The following GRM7 variants were observed in gnomAD, a reference collection of about 807,000 sequenced individuals.
The protein encoded by GRM7 is glutamate metabotropic receptor 7, also known as metabotropic glutamate receptor 7.
A neutral mutation model predicts 84.5 loss-of-function variants in GRM7; 35 were observed. The observed-to-expected ratio is 0.41, with a 90% CI of 0.32 to 0.55. The LOEUF is 0.55. Ranked by LOEUF, GRM7 falls within the 20% of genes least tolerant of loss-of-function variation. The pLI, the probability that GRM7 is intolerant of heterozygous loss-of-function variation, is 0.19. For synonymous variants in GRM7, 487 were observed against 455.1 expected (o/e 1.07, Z -0.89); for missense variants, 1,003 against 1,194.6 (o/e 0.84, Z 2.36).
intron 1 of GRM7, among the ~76,000 whole-genome samples, chr3:6,931,706 T>C (rs188320544): frequency 6.6e-6 from 1 of 152,336 alleles, no homozygotes; most frequent in Non-Finnish European, 1.5e-5. Context: ...TATTCCTTGA[T>C]ATGTTTATTT....
intron 5 of GRM7, among the ~76,000 whole-genome samples, chr3:7,443,662 C>G (rs563123030): frequency 6.6e-6 from 1 of 152,200 alleles, no homozygotes; most frequent in Non-Finnish European, 1.5e-5. Context: ...GTCTCTCTCT[C>G]TCTTTCTGTG....
At chr3:7,197,431 T>C (rs1695914685) in intron 2 of GRM7, among the ~76,000 whole-genome samples, 1 of 152,202 alleles carries the variant, frequency 6.6e-6, no homozygotes, top group Admixed American at 6.5e-5. Context: ...ACCTTTATCC[T>C]TCTCTGCTGC....
chr3:7,381,609 T>C (rs1694595285), intron 4 of GRM7, among the ~76,000 whole-genome samples: 2 of 152,170 alleles, frequency 1.3e-5, no homozygotes. Context: ...CGTATTGAAG[T>C]ATGGGATTAG....
intron 8 of GRM7, among the ~76,000 whole-genome samples, chr3:7,653,034 C>T (rs914277683): frequency 2.0e-5 from 3 of 152,024 alleles, no homozygotes; most frequent in Non-Finnish European, 2.9e-5. Context: ...CTAACAATCT[C>T]ACCGCCACAT....
Position 7,680,139 on chromosome 3 carries a change from A to G in GRM7, c.2542A>G (p.Ile848Val). 6.2e-7 allele frequency: 1 copy of G among 1,614,142 alleles called. No individual in the cohort carries two copies. Among genetic ancestry groups the G allele is most frequent in the East Asian group, 2.2e-5 (1 of 44,864 alleles). The change falls in exon 9 of 10, where the codon ATC becomes GTC. Residue 848 changes from isoleucine (I) to valine (V), a missense_variant. By Grantham distance (29) the Ile-to-Val change is conservative. Around this residue, in one of 2 missense-constraint regions of GRM7, gnomAD observed 910 missense variants for 1,126.0 expected, o/e 0.81. Coordinates refer to ENST00000357716, the MANE Select transcript of GRM7 (RefSeq NM_000844.4). ...GMLYMPKVYI[I>V]IFHPELNVQK... ...GCTATACATGCCGAAAGTGTACATC[A>G]TCATTTTCCACCCTGAACTCAATGT...
At chr3:7,373,036 T>C (rs530172061) in intron 4 of GRM7, among the ~76,000 whole-genome samples, 1 of 152,302 alleles carries the variant, frequency 6.6e-6, no homozygotes, top group East Asian at 1.9e-4. Context: ...CTTTTTGAAA[T>C]GTGGAATTAT....
At chr3:7,702,113 G>A (rs1208208267) in intron 9 of GRM7, among the ~76,000 whole-genome samples, 1 of 152,156 alleles carries the variant, frequency 6.6e-6, no homozygotes, top group East Asian at 1.9e-4. Context: ...ACTTCAGAAG[G>A]AAAAATGAAG....
intron 2 of GRM7, among the ~76,000 whole-genome samples, chr3:7,175,820 G>T (rs1053369697): frequency 9.9e-5 from 15 of 152,250 alleles, no homozygotes; most frequent in East Asian, 9.7e-4. Context: ...TTACAGGTGT[G>T]AGCCGCTGCA....
intron 7 of GRM7, among the ~76,000 whole-genome samples, chr3:7,523,588 T>A (rs1325783820): frequency 1.3e-5 from 2 of 152,110 alleles, no homozygotes; most frequent in Admixed American, 6.5e-5. Context: ...ATCATTTAAA[T>A]TTGAGGGAAA....
At chr3:6,941,458 G>C (rs181599384) in intron 1 of GRM7, among the ~76,000 whole-genome samples, 78 of 152,290 alleles carry the variant, frequency 5.1e-4, no homozygotes, top group Non-Finnish European at 8.5e-4. Context: ...GTCAAGTTAG[G>C]TTGGTGCTTT....
intron 8 of GRM7, among the ~76,000 whole-genome samples, chr3:7,672,112 A>G (rs1201171560): frequency 6.6e-6 from 1 of 151,366 alleles, no homozygotes; most frequent in Non-Finnish European, 1.5e-5. Context: ...TTTTTTTTCC[A>G]TTATATACTG....
chr3:7,014,179 A>G (rs1695483078), intron 1 of GRM7, among the ~76,000 whole-genome samples: 1 of 152,194 alleles, frequency 6.6e-6, no homozygotes, highest in African/African-American at 2.4e-5. Flanking sequence ...TAGGGAATAA[A>G]AAACAAAACC....
intron 9 of GRM7, chr3:7,681,849 C>T (rs980655888): frequency 1.3e-5 from 2 of 152,168 alleles, no homozygotes; most frequent in Non-Finnish European, 2.9e-5. Context: ...ATAACTATGT[C>T]ATAAGTGTAT....
At position 7,253,519 on chromosome 3, in the gene GRM7, AG is replaced by A. The variant is rs370274897; in HGVS notation, c.737-45163del. Among the ~76,000 whole-genome samples, 39 of 150,224 alleles carry A rather than the reference AG, an allele frequency of 2.6e-4. No homozygotes were observed. In the East Asian group the frequency reaches 7.7e-3, roughly 30 times the overall value. Reference sequence around the variant, plus strand: ...GTAATCCTAGCTGCTGGGGAGGCTGAGGCAGGAGAATCACTTGAACCCAGGA... The same window carrying A: ...GTAATCCTAGCTGCTGGGGAGGCTGAGCAGGAGAATCACTTGAACCCAGGA... On this transcript the variant is annotated intron_variant, in intron 2 of 9. Transcript: ENST00000357716.
intron 1 of GRM7, among the ~76,000 whole-genome samples, chr3:6,901,636 A>AAT (rs1491324990): frequency 4.9e-4 from 69 of 140,428 alleles, no homozygotes; most frequent in African/African-American, 1.9e-3. Flanking sequence ...AAAAAAAAAA[A>AAT]ATATGTAGAA....
chr3:7,666,324 C>T (rs1699699646), intron 8 of GRM7, among the ~76,000 whole-genome samples: 1 of 152,214 alleles, frequency 6.6e-6, no homozygotes, highest in Admixed American at 6.5e-5. Flanking sequence ...TTTGGATTCC[C>T]CAAGAATGCC....
At chr3:7,056,046 C>A (rs1697207926) in intron 1 of GRM7, among the ~76,000 whole-genome samples, 4 of 151,832 alleles carry the variant, frequency 2.6e-5, no homozygotes, top group Non-Finnish European at 4.4e-5. Context: ...CTTCACACAA[C>A]AACAATCATG....
intron 2 of GRM7, among the ~76,000 whole-genome samples, chr3:7,200,039 C>T (rs897704348): frequency 6.6e-6 from 1 of 152,156 alleles, no homozygotes; most frequent in African/African-American, 2.4e-5. Flanking sequence ...CATGCTGGGT[C>T]ATAACATGGT....
intron 1 of GRM7, among the ~76,000 whole-genome samples, chr3:6,923,110 A>G (rs573258923): frequency 6.6e-6 from 1 of 151,868 alleles, no homozygotes; most frequent in South Asian, 2.1e-4. Flanking sequence ...TGCCCCCAGG[A>G]CTCAAGCGAT....
Sources: allele counts gnomAD v4.1 joint callset (sites outside exome capture counted in the v4.1 genomes callset), GRCh38; gene constraint gnomAD v4.1.1; regional missense constraint gnomAD v4.1.1; transcripts MANE v1.5; gene names NCBI Gene and HGNC (gene_info 2026-07-23, HGNC 2026-07-21).